The following ERBB4 variants were observed in gnomAD, a reference collection of about 807,000 sequenced individuals.
The protein encoded by ERBB4 is erb-b2 receptor tyrosine kinase 4.
Under a neutral mutation model 158.0 loss-of-function variants are expected in ERBB4, and 42 were observed. The observed-to-expected ratio is 0.27, with a 90% confidence interval of 0.21 to 0.34. The LOEUF is 0.34. ERBB4 is among the 10% of genes least tolerant of loss of function. ERBB4 has a pLI of 1.00. For missense variants in ERBB4, 1,333 were observed against 1,624.1 expected (o/e 0.82, Z 3.08); for synonymous variants, 583 against 558.7 (o/e 1.04, Z -0.61).
At chr2:212,103,606 G>A (rs905834351) in intron 2 of ERBB4, among the ~76,000 whole-genome samples, 3 of 151,912 alleles carry the variant, frequency 2.0e-5, no homozygotes, top group African/African-American at 7.2e-5. Flanking sequence ...ACATAATTCT[G>A]GGAGGACATA....
chr2:211,385,896 A>G (rs1481146298), intron 27 of ERBB4, among the ~76,000 whole-genome samples: 1 of 152,222 alleles, frequency 6.6e-6, no homozygotes, highest in Non-Finnish European at 1.5e-5. Flanking sequence ...CTAGGCTACT[A>G]TGAGCATCCA....
chr2:211,626,240 A>G (rs1216517298), intron 17 of ERBB4, among the ~76,000 whole-genome samples: 1 of 152,184 alleles, frequency 6.6e-6, no homozygotes, highest in Non-Finnish European at 1.5e-5. Flanking sequence ...TCATTAATAT[A>G]TTTTTGAATC....
At chr2:211,862,928 TAAATGCACCAATCAGCACTCTTTAA>T (rs1441029133) in intron 3 of ERBB4, among the ~76,000 whole-genome samples, 12 of 152,126 alleles carry the variant, frequency 7.9e-5, no homozygotes, top group African/African-American at 1.7e-4. Context: ...TAAAGGATTG[TAAATGCACCAATCAGCACTCTTTAA>T]AAATGCACCA....
At chr2:212,203,692 C>G (rs1282730183) in intron 1 of ERBB4, among the ~76,000 whole-genome samples, 1 of 152,136 alleles carries the variant, frequency 6.6e-6, no homozygotes, top group African/African-American at 2.4e-5. Context: ...AATCTTCAAG[C>G]CTAAACATAT....
rs113094972 is a variant in ERBB4 at position 212,162,088 on chromosome 2, G to T, written c.83-37185C>A. 3.6e-3 allele frequency among the ~76,000 whole-genome samples: 541 copies of T among 151,586 alleles called. 2 individuals carry two copies. Among genetic ancestry groups the T allele is most frequent in the African/African-American group, 6.9e-3 (286 of 41,400 alleles). On this transcript the variant is annotated intron_variant, in intron 1 of 27. Coordinates refer to ENST00000342788, the MANE Select transcript of ERBB4 (RefSeq NM_005235.3). ...CTATAACCCAGCAATTCTACTTCTTGGTATTTACTCAAGAAAGTGAAACCT... is the reference window on the plus strand; with the variant it reads ...CTATAACCCAGCAATTCTACTTCTTTGTATTTACTCAAGAAAGTGAAACCT...
At chr2:212,441,460 G>C (rs2092252927) in intron 1 of ERBB4, among the ~76,000 whole-genome samples, 1 of 152,142 alleles carries the variant, frequency 6.6e-6, no homozygotes, top group Non-Finnish European at 1.5e-5. Flanking sequence ...ACTAAGTTCT[G>C]GTAGGTCCCT....
chr2:212,177,959 A>AGTGTGTGT (rs5838302), intron 1 of ERBB4, among the ~76,000 whole-genome samples: 16 of 149,402 alleles, frequency 1.1e-4, no homozygotes, highest in Non-Finnish European at 1.6e-4. Context: ...TGTGAGTGTG[A>AGTGTGTGT]GTGTGTGTGT....
chr2:211,788,100 T>C lies in ERBB4; in HGVS notation c.481A>G (p.Ile161Val), dbSNP rs2076208146. Reference protein sequence around the residue: ...QNKFLCYADTIHWQDIVRNPW... With the variant: ...QNKFLCYADTVHWQDIVRNPW... ...TTCCGAACAATATCTTGCCAATGAA[T>C]GGTGTCTGCATAACAAAGGAATTTG... The change falls in exon 4 of 28, where the codon ATT becomes GTT. Residue 161 changes from isoleucine to valine, a missense_variant. Transcript: ENST00000342788. 1.9e-6 allele frequency: 3 copies of C among 1,612,520 alleles called. No homozygotes were observed. Among genetic ancestry groups the C allele is most frequent in the Admixed American group, 1.7e-5 (1 of 59,998 alleles).
At chr2:211,596,488 A>AAT in intron 19 of ERBB4, among the ~76,000 whole-genome samples, 1 of 152,282 alleles carries the variant, frequency 6.6e-6, no homozygotes, top group South Asian at 2.1e-4. Context: ...ACATAAATGA[A>AAT]ATATACACCT....
chr2:212,488,920 A>C (rs1267016844), intron 1 of ERBB4, among the ~76,000 whole-genome samples: 2 of 149,334 alleles, frequency 1.3e-5, no homozygotes, highest in African/African-American at 5.0e-5. Context: ...CTGGTCAGCA[A>C]GAGAGAGAGG....
chr2:212,462,851 CTAAG>C (rs1408459076), intron 1 of ERBB4, among the ~76,000 whole-genome samples: 2 of 152,024 alleles, frequency 1.3e-5, no homozygotes, highest in East Asian at 3.9e-4. Flanking sequence ...TGGAATCAAA[CTAAG>C]TATCTATTAA....
intron 2 of ERBB4, among the ~76,000 whole-genome samples, chr2:212,045,588 C>T (rs138304008): frequency 3.0e-4 from 46 of 152,276 alleles, no homozygotes; most frequent in African/African-American, 1.0e-3. Context: ...TCCAAGCTAC[C>T]ATTGAAGTTT....
In ERBB4 at chr2:211,601,605, T is replaced by A. The variant is rs554208429; in HGVS notation, c.2301+17572A>T. Among the ~76,000 whole-genome samples the A allele has an allele frequency of 2.0e-5, 3 of 152,218 alleles. No individual in the cohort carries two copies. The East Asian group carries it at 5.8e-4, about 29-fold the overall frequency. ...ACAGAAATTTGGCATCCAAATGGCATTGGACTGCAATAACAGCAATACTGG... is the reference window on the plus strand; with the variant it reads ...ACAGAAATTTGGCATCCAAATGGCAATGGACTGCAATAACAGCAATACTGG... On this transcript the variant is annotated intron_variant, in intron 19 of 27. Coordinates refer to ENST00000342788, the MANE Select transcript of ERBB4 (RefSeq NM_005235.3).
In ERBB4 at chr2:211,420,462, T is replaced by G. The variant is rs532657266; in HGVS notation, c.3114A>C (p.Arg1038Ser). ...TTACCCTATTCGAGTCAATTCTTGC[T>G]CTGGAAGTATAGATGGGAGGTGGGA... ...FNIPPPIYTS[R>S]ARIDSNRSEI... The change falls in exon 25 of 28, where the codon AGA becomes AGC. Residue 1038 changes from arginine (R) to serine (S), a missense_variant. By Grantham distance (110) the Arg-to-Ser change is moderately radical (BLOSUM62 -1). Around this residue, in one of 5 missense-constraint regions of ERBB4, gnomAD observed 252 missense variants for 241.3 expected, o/e 1.04. Coordinates refer to ENST00000342788, the MANE Select transcript of ERBB4 (RefSeq NM_005235.3). 1 of 1,611,906 alleles carries G rather than the reference T, an allele frequency of 6.2e-7. No individual in the cohort carries two copies. The highest frequency in any genetic ancestry group is 1.1e-5 in the South Asian group (1 of 91,024).
chr2:212,049,279 G>C (rs971872443), intron 2 of ERBB4, among the ~76,000 whole-genome samples: 1 of 152,046 alleles, frequency 6.6e-6, no homozygotes, highest in Admixed American at 6.5e-5. Flanking sequence ...TATCTTTAGG[G>C]GTCACTGATG....
chr2:211,649,086 G>T (rs1050879721), intron 16 of ERBB4, among the ~76,000 whole-genome samples: 1 of 151,740 alleles, frequency 6.6e-6, no homozygotes, highest in African/African-American at 2.4e-5. Flanking sequence ...ACAATTATAG[G>T]AGTACACGCT....
chr2:211,939,966 A>AAAAAAAAT (rs1491239788), intron 3 of ERBB4, among the ~76,000 whole-genome samples: 1 of 137,384 alleles, frequency 7.3e-6, no homozygotes, highest in Non-Finnish European at 1.5e-5. Flanking sequence ...GGAAAAAAAA[A>AAAAAAAAT]ATATATATAT....
At chr2:212,231,431 T>C (rs111285802) in intron 1 of ERBB4, among the ~76,000 whole-genome samples, 4 of 152,324 alleles carry the variant, frequency 2.6e-5, no homozygotes, top group African/African-American at 9.6e-5. Context: ...CCATCTTTCA[T>C]TACTTCAGAC....
In ERBB4 at chr2:211,576,097, A is replaced by G. The variant is rs73988604; in HGVS notation, c.2302-14009T>C. Among the ~76,000 whole-genome samples, 238 of 59,934 alleles carry G rather than the reference A, an allele frequency of 4.0e-3. 2 individuals are homozygous for G. Among genetic ancestry groups the G allele is most frequent in the African/African-American group, 7.5e-3 (229 of 30,478 alleles). The allele number at this position is 59,934 out of a possible 152,430, so 39.3% of individuals were successfully genotyped here. On this transcript the variant is annotated intron_variant, in intron 19 of 27. Transcript: ENST00000342788. The stretch of plus-strand genomic sequence containing the variant: ...CAAATCTGCGTTAATGTTATTTATT[A>G]TTTTATATTTTTAATATAGTAGCAG...
Sources: allele counts gnomAD v4.1 joint callset (sites outside exome capture counted in the v4.1 genomes callset), GRCh38; gene constraint gnomAD v4.1.1; regional missense constraint gnomAD v4.1.1; transcripts MANE v1.5; gene names NCBI Gene and HGNC (gene_info 2026-07-23, HGNC 2026-07-21).